Variants in KCNK2 observed in about 807,000 individuals in gnomAD.
The protein encoded by KCNK2 is potassium channel subfamily K member 2.
In KCNK2, 21 loss-of-function variants were observed where a neutral mutation model predicts 40.5. That is an observed-to-expected ratio of 0.52 (90% CI 0.37 to 0.75). The LOEUF is 0.75. Among genes scored for constraint, KCNK2 ranks in the 30% least tolerant of loss-of-function variants. KCNK2 has a pLI of 0.00. For missense variants in KCNK2, 399 were observed against 531.6 expected (o/e 0.75, Z 2.45); for synonymous variants, 191 against 202.2 (o/e 0.94, Z 0.47).
At chr1:215,156,947 A>T (rs1022273735) in intron 3 of KCNK2, among the ~76,000 whole-genome samples, 7 of 98,308 alleles carry the variant, frequency 7.1e-5, no homozygotes, top group South Asian at 2.5e-4. Flanking sequence ...GCTACTCGCG[A>T]GGCTGAGGCA....
chr1:215,055,722 G>A (rs1658134601), intron 1 of KCNK2, among the ~76,000 whole-genome samples: 1 of 152,152 alleles, frequency 6.6e-6, no homozygotes, highest in South Asian at 2.1e-4. Context: ...TTGGATTTCT[G>A]TATCTGGTAG....
At chr1:215,097,113 A>G (rs1418071030) in intron 2 of KCNK2, among the ~76,000 whole-genome samples, 3 of 151,978 alleles carry the variant, frequency 2.0e-5, no homozygotes, top group South Asian at 4.1e-4. Flanking sequence ...GTAAAAATCT[A>G]TACCTGCAGG....
chr1:215,086,130 T>G (rs565130976), intron 1 of KCNK2, among the ~76,000 whole-genome samples: 6 of 152,208 alleles, frequency 3.9e-5, no homozygotes, highest in Non-Finnish European at 8.8e-5. Context: ...TCGACTCCAG[T>G]TTTTTTCCTC....
intron 1 of KCNK2, among the ~76,000 whole-genome samples, chr1:215,029,707 C>G (rs1200393556): frequency 6.7e-6 from 1 of 149,910 alleles, no homozygotes; most frequent in Non-Finnish European, 1.5e-5. Context: ...AATTAAATTA[C>G]CATCACTTAA....
intron 1 of KCNK2, among the ~76,000 whole-genome samples, chr1:215,007,023 A>ATG (rs1436577962): frequency 7.9e-3 from 205 of 25,854 alleles, no homozygotes; most frequent in African/African-American, 0.016. Flanking sequence ...ATATATATAT[A>ATG]TATATATATA....
At chr1:215,223,964 A>G (rs1405623813) in intron 6 of KCNK2, among the ~76,000 whole-genome samples, 1 of 152,176 alleles carries the variant, frequency 6.6e-6, no homozygotes, top group Non-Finnish European at 1.5e-5. Context: ...CAGGAGGACA[A>G]AGCTTTGGAT....
chr1:215,170,631 T>C (rs1663667166), intron 4 of KCNK2, among the ~76,000 whole-genome samples: 1 of 152,146 alleles, frequency 6.6e-6, no homozygotes, highest in Non-Finnish European at 1.5e-5. Flanking sequence ...TGATTTAAGA[T>C]CAAAGTTAGA....
chr1:215,227,359 A>C (rs1297282763), intron 6 of KCNK2, among the ~76,000 whole-genome samples: 2 of 152,194 alleles, frequency 1.3e-5, no homozygotes, highest in Non-Finnish European at 2.9e-5. Flanking sequence ...AATATCCTAG[A>C]GAGGGACTGG....
At chr1:215,196,316 C>T (rs1048855275) in intron 6 of KCNK2, among the ~76,000 whole-genome samples, 2 of 151,990 alleles carry the variant, frequency 1.3e-5, no homozygotes, top group East Asian at 1.9e-4. Context: ...GAACTCCTGA[C>T]CTTCAAGTGA....
chr1:215,013,519 A>C (rs565502972), intron 1 of KCNK2, among the ~76,000 whole-genome samples: 59 of 152,306 alleles, frequency 3.9e-4, no homozygotes, highest in African/African-American at 1.3e-3. Flanking sequence ...TTTGGAAAAA[A>C]TTGATATCTA....
At chr1:215,070,868 TA>T (rs1205976291) in intron 1 of KCNK2, among the ~76,000 whole-genome samples, 7 of 152,136 alleles carry the variant, frequency 4.6e-5, no homozygotes, top group African/African-American at 1.7e-4. Context: ...CACATGCAAT[TA>T]CGATCAAATG....
intron 1 of KCNK2, among the ~76,000 whole-genome samples, chr1:215,029,005 A>G (rs970438681): frequency 2.0e-5 from 3 of 152,020 alleles, no homozygotes; most frequent in Admixed American, 2.0e-4. Flanking sequence ...TCATAGCAAA[A>G]TTCACTGAAG....
chr1:215,090,140 G>A (rs768775031), intron 2 of KCNK2, among the ~76,000 whole-genome samples: 1 of 152,112 alleles, frequency 6.6e-6, no homozygotes, highest in Non-Finnish European at 1.5e-5. Context: ...TAAATTTTAA[G>A]AGCCACGGAT....
chr1:215,183,016 A>G (rs1664288608), intron 5 of KCNK2, among the ~76,000 whole-genome samples: 2 of 152,152 alleles, frequency 1.3e-5, no homozygotes, highest in South Asian at 2.1e-4. Context: ...AGATGCTGTC[A>G]TGGGGGCTGT....
chr1:215,174,116 A>C (rs1433720241), intron 5 of KCNK2, among the ~76,000 whole-genome samples: 1 of 152,034 alleles, frequency 6.6e-6, no homozygotes, highest in Non-Finnish European at 1.5e-5. Context: ...CTAACATTTA[A>C]GTCTTTAATC....
At chr1:215,082,514 G>A (rs985391787), upstream of KCNK2, among the ~76,000 whole-genome samples, 3 of 152,238 alleles carry the variant, frequency 2.0e-5, no homozygotes, top group South Asian at 2.1e-4. Flanking sequence ...AGGATTTTGC[G>A]GGGTGGGGAT....
At chr1:215,091,135 C>A (rs1462465658) in intron 2 of KCNK2, among the ~76,000 whole-genome samples, 1 of 152,118 alleles carries the variant, frequency 6.6e-6, no homozygotes, top group Non-Finnish European at 1.5e-5. Flanking sequence ...AGAAATTAAG[C>A]ATTTAATGAG....
intron 3 of KCNK2, among the ~76,000 whole-genome samples, chr1:215,125,481 C>T (rs1038535555): frequency 6.6e-6 from 1 of 151,722 alleles, no homozygotes; most frequent in Non-Finnish European, 1.5e-5. Context: ...ATTCAGTGCC[C>T]AAAAGCTATT....
At chr1:215,179,099 G>T (rs143259234) in intron 5 of KCNK2, among the ~76,000 whole-genome samples, 1 of 151,756 alleles carries the variant, frequency 6.6e-6, no homozygotes, top group Non-Finnish European at 1.5e-5. Context: ...TGTGTTTATG[G>T]GAATTTATTT....
Sources: gnomAD v4.1 joint callset for allele counts (sites outside exome capture counted in the v4.1 genomes callset) on GRCh38, gnomAD v4.1.1 for gene constraint, MANE v1.5 for transcripts, NCBI Gene and HGNC (gene_info 2026-07-23, HGNC 2026-07-21) for gene names.